Variants in SRL observed in about 807,000 individuals in gnomAD.
SRL encodes the protein sarcalumenin.
Under a neutral mutation model 39.5 loss-of-function variants are expected in SRL, and 23 were observed. That is an observed-to-expected ratio of 0.58 (90% CI 0.42 to 0.82). SRL has a LOEUF of 0.82. Among genes scored for constraint, SRL ranks in the 40% least tolerant of loss-of-function variants. SRL has a pLI of 0.00. For missense variants in SRL, 592 were observed against 607.8 expected, an observed-to-expected ratio of 0.97 and a Z score of 0.27; for synonymous variants, 272 against 237.4, an observed-to-expected ratio of 1.15 and a Z score of -1.34.
intron 1 of SRL, among the ~76,000 whole-genome samples, chr16:4,220,455 A>AC (rs1555456187): frequency 0.035 from 5,331 of 151,510 alleles, 296 homozygotes; most frequent in African/African-American, 0.12. Flanking sequence ...AGAAAAAAAA[A>AC]ACACACACAC....
chr16:4,235,439 T>C (rs947582424), intron 1 of SRL, among the ~76,000 whole-genome samples: 1 of 152,216 alleles, frequency 6.6e-6, no homozygotes, highest in African/African-American at 2.4e-5. Flanking sequence ...CTCACACTTG[T>C]AGCCCCATCA....
chr16:4,223,414 G>A lies in SRL; in HGVS notation c.61+18593C>T, dbSNP rs143576297. Among the ~76,000 whole-genome samples, 409 of 151,834 alleles carry A rather than the reference G, an allele frequency of 2.7e-3. 2 individuals are homozygous for A. In the Middle Eastern group the frequency reaches 0.041, roughly 15 times the overall value. On this transcript the variant is annotated intron_variant, in intron 1 of 5. Transcript: ENST00000399609. ...ATTTTAAGATACAGAATCTTGCTCT[G>A]TCACTCCAGCTGGAGTGCAGTGGTG...
rs2052043487 is a variant in SRL at position 4,190,109 on chromosome 16, C to A, written c.*2044G>T. On this transcript the variant is annotated 3_prime_UTR_variant, in exon 6 of 6. Transcript: ENST00000399609. ...TTCCTTGGAAACATTGTCCTGAGTG[C>A]CCTGGAACCTCGGGTGTTCTTGTGG... 2.5e-6 allele frequency: 1 copy of A among 397,078 alleles called. No individual in the cohort carries two copies. The highest frequency in any genetic ancestry group is 4.4e-5 in the Admixed American group (1 of 22,686). 24.6% of individuals were successfully genotyped at this position (397,078 alleles called of 1,614,324 possible).
chr16:4,203,297 C>A (rs2052263925), intron 2 of SRL, 36 bp from the exon 3 acceptor site: 1 of 1,578,710 alleles, frequency 6.3e-7, no homozygotes. Flanking sequence ...GAGCATCACG[C>A]AGGTGCGATC....
intron 5 of SRL, among the ~76,000 whole-genome samples, chr16:4,193,793 A>C (rs2052098266): frequency 6.6e-6 from 1 of 152,076 alleles, no homozygotes; most frequent in Non-Finnish European, 1.5e-5. Context: ...CCTGTCTTAA[A>C]AACATTGAAA....
chr16:4,196,632 C>T lies in SRL; in HGVS notation c.377-846G>A, dbSNP rs144395027. The stretch of plus-strand genomic sequence containing the variant: ...AGTAGCTGGGATTACAGGTGCCCAG[C>T]ACCATGCCCAGCTAATTTTTGTATT... On this transcript the variant is annotated intron_variant, in intron 4 of 5. Coordinates refer to ENST00000399609, the MANE Select transcript of SRL (RefSeq NM_001098814.2). Among the ~76,000 whole-genome samples the T allele has an allele frequency of 4.7e-3, 722 of 152,220 alleles. 9 individuals carry two copies. The highest frequency in any genetic ancestry group is 0.016 in the African/African-American group (685 of 41,546).
At chr16:4,195,475 G>T in intron 5 of SRL, 78 bp downstream of exon 5, 2 of 1,405,508 alleles carry the variant, frequency 1.4e-6, no homozygotes, top group Non-Finnish European at 2.0e-6. Flanking sequence ...TGGGATCACA[G>T]GCATGAGCCA....
Position 4,192,119 on chromosome 16 carries a change from T to C in SRL, c.*34A>G. 6.6e-7 allele frequency: 1 copy of C among 1,524,508 alleles called. No homozygotes were observed. The highest frequency in any genetic ancestry group is 8.8e-7 in the Non-Finnish European group (1 of 1,139,336). 94.4% of individuals were successfully genotyped at this position (1,524,508 alleles called of 1,614,324 possible). On this transcript the variant is annotated 3_prime_UTR_variant, in exon 6 of 6. Coordinates refer to ENST00000399609, the MANE Select transcript of SRL (RefSeq NM_001098814.2). This position sits in a 1 kb window ranked among gnomAD's most constrained non-coding sequence, Gnocchi z 4.0. ...CTCAGACAGTTAGGACACAAGCTGA[T>C]TCACCAACAGGAACCCAAGGACCGC...
At chr16:4,230,013 C>T (rs566367398) in intron 1 of SRL, among the ~76,000 whole-genome samples, 2 of 152,168 alleles carry the variant, frequency 1.3e-5, no homozygotes, top group South Asian at 4.2e-4. Flanking sequence ...CAGCCAGGAC[C>T]CAGACCTCCA....
intron 1 of SRL, among the ~76,000 whole-genome samples, chr16:4,233,535 A>T (rs1320542060): frequency 6.6e-6 from 1 of 152,100 alleles, no homozygotes; most frequent in Non-Finnish European, 1.5e-5. Flanking sequence ...TCTGAACTTC[A>T]ACCAGAGTGA....
intron 5 of SRL, 136 bp from the exon 6 acceptor site, chr16:4,193,100 TA>T: frequency 1.4e-6 from 1 of 725,538 alleles, no homozygotes; most frequent in Non-Finnish European, 2.2e-6. Flanking sequence ...TACAGACTAT[TA>T]AAAAATCAAT....
intron 4 of SRL, 65 bp from the exon 5 acceptor site, chr16:4,195,851 A>C: frequency 7.3e-7 from 1 of 1,363,004 alleles, no homozygotes; most frequent in South Asian, 1.3e-5. Context: ...ACTGAGAAGC[A>C]TGTGTATATG....
intron 2 of SRL, 113 bp downstream of exon 2, chr16:4,204,420 G>A: frequency 1.0e-6 from 1 of 952,910 alleles, no homozygotes; most frequent in African/African-American, 1.6e-5. Context: ...TACAGCCCCG[G>A]CCTCCAAGAT....
intron 1 of SRL, among the ~76,000 whole-genome samples, chr16:4,236,768 C>T (rs905842029): frequency 3.3e-5 from 5 of 152,148 alleles, no homozygotes; most frequent in South Asian, 2.1e-4. Context: ...CTCAGCCTCC[C>T]GAGTAGCTGG....
Position 4,242,054 on chromosome 16 carries a change from A to C in SRL, c.14T>G (p.Val5Gly). The C allele has an allele frequency of 6.2e-7, 1 of 1,612,336 alleles. No individual in the cohort carries two copies. The highest frequency in any genetic ancestry group is 8.5e-7 in the Non-Finnish European group (1 of 1,179,612). The change falls in exon 1 of 6, where the codon GTC becomes GGC. Residue 5 changes from valine (V) to glycine (G), a missense_variant. Physicochemically the swap from Val to Gly is moderately radical, Grantham distance 109. Transcript: ENST00000399609. MRAL[V>G]LLGCLLASLL... ...CGAGGCCAGGAGGCAGCCGAGCAGG[A>C]CCAGCGCCCTCATGGTGACTGCCAA...
intron 1 of SRL, chr16:4,207,076 T>TGGCTTCCTGGGGCTCCCC (rs1161301923): frequency 4.4e-6 from 2 of 453,188 alleles, no homozygotes; most frequent in Non-Finnish European, 8.9e-6. Context: ...TGGGGCTCCC[T>TGGCTTCCTGGGGCTCCCC]GGCTTCCTGG....
intron 1 of SRL, among the ~76,000 whole-genome samples, chr16:4,210,267 T>C (rs2052376353): frequency 6.6e-6 from 1 of 152,088 alleles, no homozygotes; most frequent in Admixed American, 6.6e-5. Context: ...CTTCCACCCC[T>C]GCAGAAAAAT....
At chr16:4,199,813 C>T (rs566340688) in intron 3 of SRL, among the ~76,000 whole-genome samples, 43 of 150,718 alleles carry the variant, frequency 2.9e-4, no homozygotes, top group Admixed American at 1.6e-3. Context: ...TCTCCTGCCT[C>T]AGCCTCCCAA....
chr16:4,211,863 C>T (rs1044588095), intron 1 of SRL, among the ~76,000 whole-genome samples: 16 of 151,492 alleles, frequency 1.1e-4, no homozygotes, highest in East Asian at 5.9e-4. Flanking sequence ...ACGATGACGA[C>T]GATGGTGATG....
Sources: allele counts gnomAD v4.1 joint callset (sites outside exome capture counted in the v4.1 genomes callset), GRCh38; gene constraint gnomAD v4.1.1; non-coding constraint Gnocchi (gnomAD v3.1); transcripts MANE v1.5; gene names NCBI Gene and HGNC (gene_info 2026-07-23, HGNC 2026-07-21).